The following TASP1 variants were observed in gnomAD, a reference collection of about 807,000 sequenced individuals.
TASP1 encodes threonine aspartase 1.
A neutral mutation model predicts 56.6 loss-of-function variants in TASP1; 16 were observed. That is an observed-to-expected ratio of 0.28 (90% CI 0.19 to 0.43). The LOEUF (loss-of-function observed/expected upper bound fraction) is 0.43. Ranked by LOEUF, TASP1 falls within the 20% of genes least tolerant of loss-of-function variation. The pLI is 1.00. For missense variants in TASP1, 393 were observed against 511.6 expected (o/e 0.77, Z 2.24); for synonymous variants, 179 against 184.2 (o/e 0.97, Z 0.23).
chr20:13,125,070 C>A, the TASP1 span, among the ~76,000 whole-genome samples: 11 of 150,144 alleles, frequency 7.3e-5, no homozygotes, highest in Non-Finnish European at 1.5e-4. Flanking sequence ...TTCTGCAGGA[C>A]ACTTGGAGAG....
chr20:13,221,675 G>A, the TASP1 span: 167 of 1,043,914 alleles, frequency 1.6e-4, 1 homozygote, highest in East Asian at 5.6e-3. Flanking sequence ...CGAGGCGGGA[G>A]CCGCGCTGCC....
intron 10 of TASP1, among the ~76,000 whole-genome samples, chr20:13,490,191 A>G (rs2043472164): frequency 6.6e-6 from 1 of 152,188 alleles, no homozygotes; most frequent in Admixed American, 6.6e-5. Flanking sequence ...TTAGGGGGGA[A>G]ACCCAGGATA....
At chr20:13,365,148 C>G in the TASP1 span, among the ~76,000 whole-genome samples, 1 of 152,186 alleles carries the variant, frequency 6.6e-6, no homozygotes, top group Non-Finnish European at 1.5e-5. Context: ...TGGCCAACAA[C>G]CTACACGTGA....
chr20:13,528,101 T>C (rs1483806750), intron 10 of TASP1, among the ~76,000 whole-genome samples: 1 of 150,094 alleles, frequency 6.7e-6, no homozygotes, highest in Non-Finnish European at 1.5e-5. Flanking sequence ...TGCACGCCTG[T>C]AATCCCAGCT....
chr20:13,614,036 C>A (rs1568652114), intron 4 of TASP1, among the ~76,000 whole-genome samples: 1 of 152,150 alleles, frequency 6.6e-6, no homozygotes. Context: ...GATGCACTGG[C>A]TGCTTTACAG....
At chr20:13,569,268 C>T (rs2046635827) in intron 7 of TASP1, among the ~76,000 whole-genome samples, 1 of 151,988 alleles carries the variant, frequency 6.6e-6, no homozygotes, top group African/African-American at 2.4e-5. Flanking sequence ...TTTAAGTAAT[C>T]TCTAAAAGGG....
intron 10 of TASP1, among the ~76,000 whole-genome samples, chr20:13,515,548 T>TAAAAAAA (rs34077486): frequency 8.1e-6 from 1 of 122,976 alleles, no homozygotes; most frequent in African/African-American, 3.1e-5. Flanking sequence ...TTCATACACT[T>TAAAAAAA]AAAAAAAAAA....
chr20:13,505,447 A>G (rs934317429), intron 10 of TASP1, among the ~76,000 whole-genome samples: 1 of 152,120 alleles, frequency 6.6e-6, no homozygotes, highest in Non-Finnish European at 1.5e-5. Context: ...ACAGCAGCCA[A>G]ATATACAGAT....
At chr20:13,437,693 C>A (rs895191287) in intron 11 of TASP1, among the ~76,000 whole-genome samples, 5 of 152,172 alleles carry the variant, frequency 3.3e-5, no homozygotes, top group African/African-American at 1.2e-4. Flanking sequence ...GCAAAAATCA[C>A]AAGCATTCTT....
At chr20:13,364,948 T>A in the TASP1 span, among the ~76,000 whole-genome samples, 5 of 152,134 alleles carry the variant, frequency 3.3e-5, no homozygotes, top group African/African-American at 1.2e-4. Context: ...CAAGTTGAAA[T>A]GGTTGCATGC....
the TASP1 span, among the ~76,000 whole-genome samples, chr20:13,170,674 A>G: frequency 6.6e-6 from 1 of 152,216 alleles, no homozygotes; most frequent in Non-Finnish European, 1.5e-5. Context: ...TGAAGGGGCT[A>G]GTGGTTTTGG....
intron 7 of TASP1, among the ~76,000 whole-genome samples, chr20:13,559,928 T>A (rs995434200): frequency 1.3e-5 from 2 of 152,078 alleles, no homozygotes; most frequent in African/African-American, 4.8e-5. Flanking sequence ...AAGCATAACC[T>A]GACCTGCAAA....
chr20:13,345,662 A>G, the TASP1 span, among the ~76,000 whole-genome samples: 1 of 152,318 alleles, frequency 6.6e-6, no homozygotes, highest in East Asian at 1.9e-4. Flanking sequence ...GAACAGAGCC[A>G]TCAGTGTCTC....
chr20:13,387,582 A>G (rs2041173585), downstream of TASP1, among the ~76,000 whole-genome samples: 2 of 152,174 alleles, frequency 1.3e-5, no homozygotes, highest in African/African-American at 4.8e-5. Context: ...ATCTAGGTTG[A>G]TTCCATGTCT....
the TASP1 span, among the ~76,000 whole-genome samples, chr20:13,311,243 T>TA: frequency 0.12 from 15,035 of 127,514 alleles, 1,231 homozygotes; most frequent in African/African-American, 0.25. Flanking sequence ...GATAGATAGA[T>TA]GATAGATAGA....
Position 13,551,071 on chromosome 20 carries a change from C to T in TASP1, c.675+7937G>A, listed in dbSNP as rs184060853. Among the ~76,000 whole-genome samples, 491 of 152,278 alleles carry T rather than the reference C, an allele frequency of 3.2e-3. 2 individuals are homozygous for T. The highest frequency in any genetic ancestry group is 0.011 in the East Asian group (59 of 5,188). On this transcript the variant is annotated intron_variant, in intron 8 of 13. Coordinates refer to ENST00000337743, the MANE Select transcript of TASP1 (RefSeq NM_017714.3). ...ATGAAGGGTACAAAGCAAGGCCCAA[C>T]ATTTCCTTTCTGAAACATGTGGCCA... is the stretch of plus-strand genomic sequence containing the variant.
At chr20:13,250,142 G>T in the TASP1 span, among the ~76,000 whole-genome samples, 16,353 of 152,182 alleles carry the variant, frequency 0.11, 1,038 homozygotes, top group African/African-American at 0.16. Context: ...CTGCTCCCAG[G>T]GTTCATGCCA....
chr20:13,287,272 G>A, the TASP1 span, among the ~76,000 whole-genome samples: 33 of 152,298 alleles, frequency 2.2e-4, no homozygotes, highest in South Asian at 1.0e-3. Flanking sequence ...CATCTTACAT[G>A]GTGTCAGGCC....
intron 10 of TASP1, among the ~76,000 whole-genome samples, chr20:13,510,556 TA>T (rs2044290631): frequency 6.6e-6 from 1 of 152,220 alleles, no homozygotes; most frequent in African/African-American, 2.4e-5. Context: ...AGAACAGATT[TA>T]AATGAAAATT....
Sources: gnomAD v4.1 joint callset for allele counts (sites outside exome capture counted in the v4.1 genomes callset) on GRCh38, gnomAD v4.1.1 for gene constraint, MANE v1.5 for transcripts, NCBI Gene and HGNC (gene_info 2026-07-23, HGNC 2026-07-21) for gene names.